The following UNC13B variants were observed in gnomAD, a reference collection of about 807,000 sequenced individuals.
UNC13B encodes the protein unc-13 homolog B.
Under a neutral mutation model 211.0 loss-of-function variants are expected in UNC13B, and 144 were observed. The observed-to-expected ratio is 0.68, with a 90% CI of 0.60 to 0.78. The LOEUF (loss-of-function observed/expected upper bound fraction) is 0.78, where lower values mean the gene tolerates loss of function less well. Ranked by LOEUF, UNC13B falls within the 30% of genes least tolerant of loss-of-function variation. The pLI, the probability that UNC13B is intolerant of heterozygous loss-of-function variation, is 0.00. For synonymous variants in UNC13B, 709 were observed against 725.8 expected, an observed-to-expected ratio of 0.98 and a Z score of 0.37; for missense variants, 1,777 against 2,002.0, an observed-to-expected ratio of 0.89 and a Z score of 2.14.
chr9:35,174,394 G>A (rs1227078941), intron 1 of UNC13B, among the ~76,000 whole-genome samples: 1 of 151,340 alleles, frequency 6.6e-6, no homozygotes, highest in African/African-American at 2.4e-5. Context: ...GTGCGATCTC[G>A]GCTCACTGCA....
At chr9:35,203,101 C>G (rs1823413542) in intron 1 of UNC13B, among the ~76,000 whole-genome samples, 1 of 152,066 alleles carries the variant, frequency 6.6e-6, no homozygotes, top group Non-Finnish European at 1.5e-5. Flanking sequence ...CGGGTCTTGA[C>G]TCTTATCCAA....
intron 27 of UNC13B, 85 bp downstream of exon 27, chr9:35,396,687 G>T: frequency 6.2e-7 from 1 of 1,601,620 alleles, no homozygotes; most frequent in Non-Finnish European, 8.5e-7. Flanking sequence ...CAGCAAGCCA[G>T]TCTCGGGGAC....
chr9:35,231,262 CT>C (rs748448945), intron 3 of UNC13B, 43 bp downstream of exon 3: 4 of 1,298,500 alleles, frequency 3.1e-6, no homozygotes, highest in Non-Finnish European at 4.4e-6. Context: ...ATTTTATAAT[CT>C]TTTTAAGGGA....
chr9:35,292,729 G>A lies in UNC13B; in HGVS notation c.527-2967G>A, dbSNP rs146714193. Reference sequence around the variant, plus strand: ...ATGTAGGCAGTCAGTGAATATTTGAGTGAGTAGGTGTTCCCAGCCTTTTAA... The same window carrying A: ...ATGTAGGCAGTCAGTGAATATTTGAATGAGTAGGTGTTCCCAGCCTTTTAA... On this transcript the variant is annotated intron_variant, in intron 7 of 39. Coordinates refer to ENST00000635942, the MANE Select transcript of UNC13B (RefSeq NM_001371189.2). Among the ~76,000 whole-genome samples, 46 of 152,326 alleles carry A rather than the reference G, an allele frequency of 3.0e-4. 1 individual carries two copies. In the East Asian group the frequency reaches 8.5e-3, roughly 28 times the overall value.
At chr9:35,201,468 A>G in intron 1 of UNC13B, among the ~76,000 whole-genome samples, 1 of 152,030 alleles carries the variant, frequency 6.6e-6, no homozygotes, top group Non-Finnish European at 1.5e-5. Context: ...CTGGTCCTGG[A>G]CTTTTTTTGG....
At position 35,297,134 on chromosome 9, in the gene UNC13B, G is replaced by C. The variant is rs373557624; in HGVS notation, c.761+1204G>C. 7.9e-4 allele frequency among the ~76,000 whole-genome samples: 115 copies of C among 145,962 alleles called. 1 individual carries two copies. The highest frequency in any genetic ancestry group is 2.8e-3 in the African/African-American group (111 of 39,510). ...GACAGAGTCTCACTCTGTCTCCCAG[G>C]CTGGAGTGCAGTGGCGTGATCTCGG... is the stretch of plus-strand genomic sequence containing the variant. On this transcript the variant is annotated intron_variant, in intron 8 of 39. Coordinates refer to ENST00000635942, the MANE Select transcript of UNC13B (RefSeq NM_001371189.2).
chr9:35,390,025 G>T (rs1224017100), intron 25 of UNC13B, 52 bp downstream of exon 25: 1 of 1,603,114 alleles, frequency 6.2e-7, no homozygotes, highest in East Asian at 2.2e-5. Context: ...CTGTCCATCT[G>T]TCTAACAACC....
chr9:35,217,174 T>C (rs1277688057), intron 1 of UNC13B, among the ~76,000 whole-genome samples: 1 of 152,204 alleles, frequency 6.6e-6, no homozygotes, highest in Non-Finnish European at 1.5e-5. Context: ...TTTTTGATAT[T>C]GTACTATAGT....
At chr9:35,275,159 T>G (rs143564420) in intron 7 of UNC13B, among the ~76,000 whole-genome samples, 4 of 152,298 alleles carry the variant, frequency 2.6e-5, no homozygotes, top group African/African-American at 9.6e-5. Context: ...CAACCAGTTA[T>G]CTTTTTCTGC....
At chr9:35,294,402 G>A (rs1829248824) in intron 7 of UNC13B, among the ~76,000 whole-genome samples, 1 of 152,050 alleles carries the variant, frequency 6.6e-6, no homozygotes, top group South Asian at 2.1e-4. Context: ...CACCCTCTGG[G>A]TTCAAGCGAT....
chr9:35,283,784 A>G (rs1022673378), intron 7 of UNC13B, among the ~76,000 whole-genome samples: 1 of 152,230 alleles, frequency 6.6e-6, no homozygotes, highest in Non-Finnish European at 1.5e-5. Context: ...TGACATTTCA[A>G]TAGAGTTGAA....
rs185208281 is a variant in UNC13B, at chr9:35,180,834, C to T, written c.22+18529C>T. On this transcript the variant is annotated intron_variant, in intron 1 of 39. Transcript: ENST00000635942. ...AGTTTTGGCCAGGCAGAGTGGTTTA[C>T]GCCTGTAATCCCAGCACTCTGGGAA... Among the ~76,000 whole-genome samples, 333 of 151,878 alleles carry T rather than the reference C, an allele frequency of 2.2e-3. 2 individuals are homozygous for T. The highest frequency in any genetic ancestry group is 7.6e-3 in the African/African-American group (314 of 41,408).
chr9:35,310,194 A>G (rs1325276644), intron 9 of UNC13B, among the ~76,000 whole-genome samples: 1 of 152,238 alleles, frequency 6.6e-6, no homozygotes, highest in African/African-American at 2.4e-5. Context: ...CTACTCACAA[A>G]TAGCCTATTA....
intron 24 of UNC13B, among the ~76,000 whole-genome samples, chr9:35,388,572 C>T (rs1207576084): frequency 6.6e-6 from 1 of 152,176 alleles, no homozygotes; most frequent in African/African-American, 2.4e-5. Flanking sequence ...TCACTCTCCT[C>T]ATCTGTAAAT....
At chr9:35,259,129 G>A (rs908184718) in intron 7 of UNC13B, 79 bp downstream of exon 7, 28 of 1,467,130 alleles carry the variant, frequency 1.9e-5, no homozygotes, top group African/African-American at 2.8e-5. Flanking sequence ...ATTCTGAGCT[G>A]GGGAGGGTGG....
At chr9:35,370,961 T>G (rs1834076709) in intron 13 of UNC13B, among the ~76,000 whole-genome samples, 1 of 152,194 alleles carries the variant, frequency 6.6e-6, no homozygotes, top group African/African-American at 2.4e-5. Flanking sequence ...CCTCCCAGGA[T>G]GACCAGAAGC....
In UNC13B at chr9:35,395,143, T is replaced by A. The variant is rs1835790193; in HGVS notation, c.11309-1333T>A. On this transcript the variant is annotated intron_variant, in intron 26 of 39. Coordinates refer to ENST00000635942, the MANE Select transcript of UNC13B (RefSeq NM_001371189.2). The stretch of plus-strand genomic sequence containing the variant: ...TCCCTGAGGGTCTCTCTGATGTCCC[T>A]GATTTTTTCACTCTCTTTGTTGCTC... Among the ~76,000 whole-genome samples, 3 of 152,248 alleles carry A rather than the reference T, an allele frequency of 2.0e-5. No homozygotes were observed. In the South Asian group the frequency reaches 6.2e-4, roughly 32 times the overall value.
chr9:35,400,099 C>G (rs1836192101), intron 36 of UNC13B, among the ~76,000 whole-genome samples, 197 bp from the exon 37 acceptor site: 1 of 152,172 alleles, frequency 6.6e-6, no homozygotes, highest in Non-Finnish European at 1.5e-5. Context: ...ACTGCCGTAC[C>G]TCCAGGAATG....
intron 1 of UNC13B, among the ~76,000 whole-genome samples, chr9:35,208,234 C>G (rs1262414818): frequency 6.6e-6 from 1 of 152,128 alleles, no homozygotes; most frequent in Non-Finnish European, 1.5e-5. Flanking sequence ...GAACTCTAGA[C>G]CAATTGCTTT....
Sources: allele counts gnomAD v4.1 joint callset (sites outside exome capture counted in the v4.1 genomes callset), GRCh38; gene constraint gnomAD v4.1.1; transcripts MANE v1.5; gene names NCBI Gene and HGNC (gene_info 2026-07-23, HGNC 2026-07-21).